The following PDE1A variants were observed in gnomAD, a reference collection of about 807,000 sequenced individuals.
PDE1A encodes the protein phosphodiesterase 1A.
In PDE1A, 35 loss-of-function variants were observed where a neutral mutation model predicts 61.7. The observed-to-expected ratio is 0.57, with a 90% CI of 0.43 to 0.75. The LOEUF is 0.75. Ranked by LOEUF, PDE1A falls within the 30% of genes least tolerant of loss-of-function variation. The probability of loss-of-function intolerance (pLI) is 0.00; values close to 1 mark genes in which losing one functional copy is unlikely to be tolerated. For missense variants in PDE1A, 597 were observed against 630.6 expected, an observed-to-expected ratio of 0.95 and a Z score of 0.57; for synonymous variants, 232 against 213.2, an observed-to-expected ratio of 1.09 and a Z score of -0.77.
the PDE1A span, among the ~76,000 whole-genome samples, chr2:182,531,126 C>T: frequency 1.3e-5 from 2 of 150,476 alleles, no homozygotes; most frequent in African/African-American, 4.9e-5. Context: ...GCTATTTAAA[C>T]AAATACACTT....
At chr2:182,714,759 A>T in the PDE1A span, among the ~76,000 whole-genome samples, 1 of 151,974 alleles carries the variant, frequency 6.6e-6, no homozygotes, top group East Asian at 1.9e-4. Context: ...GGATTTCACC[A>T]CGTTGGCCAG....
intron 1 of PDE1A, among the ~76,000 whole-genome samples, chr2:182,365,698 G>A (rs1574463056): frequency 6.6e-6 from 1 of 151,766 alleles, no homozygotes; most frequent in Non-Finnish European, 1.5e-5. Flanking sequence ...GTTTAGACTT[G>A]ATTTTGTTTC....
At chr2:182,648,098 T>A in the PDE1A span, among the ~76,000 whole-genome samples, 2 of 152,238 alleles carry the variant, frequency 1.3e-5, no homozygotes, top group South Asian at 2.1e-4. Context: ...CATGGTATAT[T>A]GGAAAAACCA....
At chr2:182,285,492 A>T (rs2125866280) in intron 1 of PDE1A, among the ~76,000 whole-genome samples, 1 of 152,218 alleles carries the variant, frequency 6.6e-6, no homozygotes, top group South Asian at 2.1e-4. Flanking sequence ...CGATCTGGTC[A>T]AATTATGTCT....
At chr2:182,677,945 T>C in the PDE1A span, among the ~76,000 whole-genome samples, 1 of 152,104 alleles carries the variant, frequency 6.6e-6, no homozygotes, top group Non-Finnish European at 1.5e-5. Flanking sequence ...TCCTTCCTAA[T>C]AAAATACTCA....
the PDE1A span, among the ~76,000 whole-genome samples, chr2:182,570,140 C>T: frequency 1.3e-5 from 2 of 151,562 alleles, no homozygotes; most frequent in Non-Finnish European, 2.9e-5. Flanking sequence ...AGGTGGTTTA[C>T]GTAAAACATT....
intron 1 of PDE1A, among the ~76,000 whole-genome samples, chr2:182,306,476 C>CCACACA: frequency 6.7e-6 from 1 of 148,888 alleles, no homozygotes; most frequent in South Asian, 2.1e-4. Context: ...TCATATGGAA[C>CCACACA]CACACACACA....
chr2:182,511,780 T>G (rs1467316767), intron 2 of PDE1A, among the ~76,000 whole-genome samples: 1 of 152,166 alleles, frequency 6.6e-6, no homozygotes, highest in East Asian at 1.9e-4. Flanking sequence ...CCATTTGCAG[T>G]GCAAGCACAG....
upstream of PDE1A, among the ~76,000 whole-genome samples, chr2:182,523,967 G>T (rs184549117): frequency 3.0e-4 from 45 of 152,166 alleles, no homozygotes; most frequent in Non-Finnish European, 5.4e-4. Flanking sequence ...TTATAAGAGG[G>T]TAAATCAAGT....
chr2:182,277,510 A>C (rs954963076), intron 1 of PDE1A, among the ~76,000 whole-genome samples: 4 of 152,116 alleles, frequency 2.6e-5, no homozygotes, highest in African/African-American at 9.7e-5. Context: ...CATATGCATG[A>C]CAGAATTCTC....
intron 2 of PDE1A, among the ~76,000 whole-genome samples, chr2:182,498,033 G>A (rs895191053): frequency 7.8e-6 from 1 of 128,690 alleles, no homozygotes; most frequent in Non-Finnish European, 1.6e-5. Context: ...GCGACAGAGC[G>A]AGATTGCGTC....
At chr2:182,186,684 C>T (rs1685233167) in intron 11 of PDE1A, 96 bp from the exon 12 acceptor site, 2 of 1,254,360 alleles carry the variant, frequency 1.6e-6, no homozygotes, top group South Asian at 2.9e-5. Flanking sequence ...TCTGACAATC[C>T]TGGGATAGCA....
chr2:182,210,375 T>C (rs1310644765), intron 7 of PDE1A, among the ~76,000 whole-genome samples: 1 of 152,204 alleles, frequency 6.6e-6, no homozygotes, highest in Non-Finnish European at 1.5e-5. Context: ...TGGTATCTCA[T>C]TGTTTCAATT....
chr2:182,634,094 A>T, the PDE1A span, among the ~76,000 whole-genome samples: 1 of 152,072 alleles, frequency 6.6e-6, no homozygotes, highest in East Asian at 1.9e-4. Context: ...TGTCTCAAAA[A>T]ACAAGAAAAA....
At chr2:182,460,324 C>T (rs1442851895) in intron 2 of PDE1A, among the ~76,000 whole-genome samples, 1 of 152,140 alleles carries the variant, frequency 6.6e-6, no homozygotes. Flanking sequence ...CTCACTTCCC[C>T]AGTGTTACTT....
chr2:182,256,769 TG>T (rs1691850411), intron 2 of PDE1A, among the ~76,000 whole-genome samples: 1 of 152,234 alleles, frequency 6.6e-6, no homozygotes, highest in African/African-American at 2.4e-5. Flanking sequence ...TTTTCGTTTC[TG>T]GGCTACAGAT....
chr2:182,472,676 G>A (rs2125812574), intron 2 of PDE1A, among the ~76,000 whole-genome samples: 1 of 151,934 alleles, frequency 6.6e-6, no homozygotes, highest in South Asian at 2.1e-4. Flanking sequence ...CATCAATGTA[G>A]CAAAATTGCA....
chr2:182,244,374 A>G (rs1269807012), intron 2 of PDE1A, among the ~76,000 whole-genome samples: 10 of 88,042 alleles, frequency 1.1e-4, no homozygotes, highest in Non-Finnish European at 4.6e-5. Flanking sequence ...TTTTAAAAAA[A>G]CTTTAAAGTA....
chr2:182,371,935 C>A (rs1433539235), intron 1 of PDE1A, among the ~76,000 whole-genome samples: 1 of 152,130 alleles, frequency 6.6e-6, no homozygotes, highest in Non-Finnish European at 1.5e-5. Context: ...CAGGCATGCA[C>A]CACCACGCCT....
Sources: gnomAD v4.1 joint callset for allele counts (sites outside exome capture counted in the v4.1 genomes callset) on GRCh38, gnomAD v4.1.1 for gene constraint, MANE v1.5 for transcripts, NCBI Gene and HGNC (gene_info 2026-07-23, HGNC 2026-07-21) for gene names.